Variants in NXPE3 observed in about 807,000 individuals in gnomAD.
NXPE3 encodes the protein neurexophilin and PC-esterase domain family member 3.
In NXPE3, 26 loss-of-function variants were observed where a neutral mutation model predicts 46.1. The ratio of observed to expected loss-of-function variants is 0.56; its 90% confidence interval spans 0.41 to 0.78. NXPE3 has a LOEUF of 0.78. Ranked by LOEUF, NXPE3 falls within the 30% of genes least tolerant of loss-of-function variation. The pLI is 0.00. For missense variants in NXPE3, 620 were observed against 686.0 expected, an observed-to-expected ratio of 0.90 and a Z score of 1.07; for synonymous variants, 272 against 257.9, an observed-to-expected ratio of 1.05 and a Z score of -0.52.
chr3:101,801,384 G>C lies in NXPE3; in HGVS notation c.243G>C (p.Leu81Phe), dbSNP rs747983081. 6.2e-7 allele frequency: 1 copy of C among 1,614,218 alleles called. No homozygotes were observed. Among genetic ancestry groups the C allele is most frequent in the Admixed American group, 1.7e-5 (1 of 60,024 alleles). ...SSQERMEEDS[L>F]LAALHRQVPD... is the part of the protein sequence containing the mutation. Reference sequence around the variant, plus strand: ...AGGAGCGCATGGAGGAGGACTCCTTGCTGGCTGCCTTGCACCGGCAGGTTC... The same window carrying C: ...AGGAGCGCATGGAGGAGGACTCCTTCCTGGCTGCCTTGCACCGGCAGGTTC... The change falls in exon 5 of 8, where the codon TTG (leucine) becomes TTC (phenylalanine). Residue 81 changes from leucine to phenylalanine, a missense_variant. Coordinates refer to ENST00000273347, the MANE Select transcript of NXPE3 (RefSeq NM_145037.4).
chr3:101,792,928 C>T (rs780935336), intron 4 of NXPE3, among the ~76,000 whole-genome samples: 5 of 151,938 alleles, frequency 3.3e-5, no homozygotes, highest in Non-Finnish European at 5.9e-5. Context: ...TTTGTGTCTT[C>T]TCTGATTTAT....
At chr3:101,786,063 G>A (rs2107242638) in intron 4 of NXPE3, among the ~76,000 whole-genome samples, 1 of 152,234 alleles carries the variant, frequency 6.6e-6, no homozygotes, top group South Asian at 2.1e-4. Flanking sequence ...CTTCAAGGAG[G>A]GGACCTTTCA....
intron 1 of NXPE3, chr3:101,780,084 G>A (rs1939723627): frequency 6.6e-6 from 1 of 152,306 alleles, no homozygotes; most frequent in African/African-American, 2.4e-5. Context: ...ATTAAAGGGG[G>A]ATTGTTGCCA....
intron 6 of NXPE3, among the ~76,000 whole-genome samples, chr3:101,807,790 TCA>T (rs1325203639): frequency 9.2e-5 from 14 of 152,144 alleles, no homozygotes; most frequent in Non-Finnish European, 1.6e-4. Context: ...AGTTATTTAA[TCA>T]CACATGCCCA....
intron 4 of NXPE3, among the ~76,000 whole-genome samples, chr3:101,798,603 T>TATA (rs56059573): frequency 0.05 from 6,267 of 124,464 alleles, 129 homozygotes; most frequent in African/African-American, 0.069. Context: ...TATATATATA[T>TATA]TTTTTTTTTT....
At position 101,825,458 on chromosome 3, in the gene NXPE3, T is replaced by C. The variant is rs899700022; in HGVS notation, c.*3504T>C. On this transcript the variant is annotated 3_prime_UTR_variant, in exon 8 of 8. Coordinates refer to ENST00000273347, the MANE Select transcript of NXPE3 (RefSeq NM_145037.4). ...TTAAATGTATATTTCCCAATATAAA[T>C]ATAAGGGGCATCATAATTTTTAAAA... The C allele has an allele frequency of 6.6e-6, 1 of 152,228 alleles. No individual in the cohort carries two copies. The highest frequency in any genetic ancestry group is 1.5e-5 in the Non-Finnish European group (1 of 68,038). The allele number at this position is 152,228 out of a possible 1,614,324, so 9.4% of individuals were successfully genotyped here.
chr3:101,781,153 A>G (rs1165373698), intron 1 of NXPE3, among the ~76,000 whole-genome samples: 1 of 152,218 alleles, frequency 6.6e-6, no homozygotes, highest in Non-Finnish European at 1.5e-5. Flanking sequence ...TCTGAACTAT[A>G]TATTCTGAAC....
Position 101,801,379 on chromosome 3 carries a change from T to C in NXPE3, c.238T>C (p.Ser80Pro), listed in dbSNP as rs1327528029. The C allele has an allele frequency of 6.2e-7, 1 of 1,614,216 alleles. No homozygotes were observed. The highest frequency in any genetic ancestry group is 1.7e-5 in the Admixed American group (1 of 60,024). Residue 80 changes from serine to proline, a missense_variant, in exon 5 of 8, where the codon TCC becomes CCC. By Grantham distance (74) the Ser-to-Pro change is moderately conservative. Around this residue, in one of 3 missense-constraint regions of NXPE3, gnomAD observed 511 missense variants for 528.6 expected, o/e 0.97. Coordinates refer to ENST00000273347, the MANE Select transcript of NXPE3 (RefSeq NM_145037.4). ...LSSQERMEED[S>P]LLAALHRQVP... ...CAGCCAGGAGCGCATGGAGGAGGAC[T>C]CCTTGCTGGCTGCCTTGCACCGGCA...
At chr3:101,790,352 G>A (rs962742814) in intron 4 of NXPE3, among the ~76,000 whole-genome samples, 8 of 152,108 alleles carry the variant, frequency 5.3e-5, no homozygotes, top group African/African-American at 1.9e-4. Flanking sequence ...TTGTGAATTT[G>A]TCTATTTCAC....
intron 4 of NXPE3, among the ~76,000 whole-genome samples, chr3:101,794,670 CA>C (rs958731052): frequency 1.3e-5 from 2 of 151,644 alleles, no homozygotes; most frequent in Non-Finnish European, 2.9e-5. Flanking sequence ...TTATAATAGA[CA>C]AAAAAAGATA....
intron 6 of NXPE3, among the ~76,000 whole-genome samples, chr3:101,809,557 T>G (rs1368319152): frequency 6.6e-6 from 1 of 152,278 alleles, no homozygotes; most frequent in African/African-American, 2.4e-5. Context: ...ATTGTGACTT[T>G]TAATGTCTCT....
chr3:101,781,900 T>G (rs1464413107), intron 1 of NXPE3: 1 of 152,200 alleles, frequency 6.6e-6, no homozygotes, highest in East Asian at 1.9e-4. Context: ...TGAGAGTGAT[T>G]TACCATGTTG....
chr3:101,819,107 C>T (rs538074390), intron 7 of NXPE3, among the ~76,000 whole-genome samples: 40 of 152,070 alleles, frequency 2.6e-4, no homozygotes, highest in Non-Finnish European at 5.1e-4. Flanking sequence ...CAAAATTGAC[C>T]GTGAACTCAC....
At chr3:101,810,470 A>G (rs114556740) in intron 6 of NXPE3, among the ~76,000 whole-genome samples, 68 of 152,336 alleles carry the variant, frequency 4.5e-4, no homozygotes, top group African/African-American at 1.6e-3. Flanking sequence ...GAGTTGTGGC[A>G]GCGACATGTA....
At position 101,822,059 on chromosome 3, in the gene NXPE3, A is replaced by C; in HGVS notation, c.*105A>C. 2.0e-6 allele frequency: 2 copies of C among 997,944 alleles called. No homozygotes were observed. The highest frequency in any genetic ancestry group is 1.6e-5 in the South Asian group (1 of 60,770). The allele number at this position is 997,944 out of a possible 1,614,324, so 61.8% of individuals were successfully genotyped here. A position where few individuals can be genotyped will look rare whatever the true frequency, so the allele number is the denominator to read the frequency against. On this transcript the variant is annotated 3_prime_UTR_variant, in exon 8 of 8. Transcript: ENST00000273347. ...GAGATGACTGCCCTTAATAAGTATA[A>C]AATTTCAAAAAGATCTGGACTTAAT...
intron 4 of NXPE3, among the ~76,000 whole-genome samples, chr3:101,788,207 G>A (rs1263783660): frequency 3.9e-5 from 6 of 152,144 alleles, no homozygotes; most frequent in Admixed American, 3.9e-4. Flanking sequence ...GGTACTCACT[G>A]TTTAACGGAG....
At chr3:101,780,659 C>T (rs150225012) in intron 1 of NXPE3, among the ~76,000 whole-genome samples, 5 of 152,226 alleles carry the variant, frequency 3.3e-5, no homozygotes, top group African/African-American at 4.8e-5. Context: ...AAAGCTTCCA[C>T]GATGATTATT....
chr3:101,796,856 A>G lies in NXPE3; in HGVS notation c.94-4379A>G, dbSNP rs367840134. 4.6e-5 allele frequency among the ~76,000 whole-genome samples: 7 copies of G among 152,274 alleles called. No individual in the cohort carries two copies. The South Asian group carries it at 1.5e-3, about 32-fold the overall frequency. Reference sequence around the variant, plus strand: ...TATTTTTACCTTATGTAGGATTTTGAAGTGGTTTGTTATAGGTGGGGATCC... The same window carrying G: ...TATTTTTACCTTATGTAGGATTTTGGAGTGGTTTGTTATAGGTGGGGATCC... On this transcript the variant is annotated intron_variant, in intron 4 of 7. Coordinates refer to ENST00000273347, the MANE Select transcript of NXPE3 (RefSeq NM_145037.4).
At chr3:101,814,746 G>A (rs184013632) in intron 6 of NXPE3, among the ~76,000 whole-genome samples, 24 of 152,092 alleles carry the variant, frequency 1.6e-4, no homozygotes, top group African/African-American at 5.8e-4. Flanking sequence ...CTTGAAGATT[G>A]TAGGTTTGAA....
Sources: gnomAD v4.1 joint callset for allele counts (sites outside exome capture counted in the v4.1 genomes callset) on GRCh38, gnomAD v4.1.1 for gene constraint, gnomAD v4.1.1 regional missense constraint, MANE v1.5 for transcripts, NCBI Gene and HGNC (gene_info 2026-07-23, HGNC 2026-07-21) for gene names.